The following ADGRL2 variants were observed in gnomAD, a reference collection of about 807,000 sequenced individuals.
ADGRL2 encodes calcium-independent alpha-latrotoxin receptor 2.
In ADGRL2, 44 loss-of-function variants were observed where a neutral mutation model predicts 157.4. The observed-to-expected ratio is 0.28, with a 90% confidence interval of 0.22 to 0.36. The LOEUF is 0.36. Ranked by LOEUF, ADGRL2 falls within the 10% of genes least tolerant of loss-of-function variation. The pLI is 1.00. For missense variants in ADGRL2, 1,510 were observed against 1,768.9 expected (o/e 0.85, Z 2.63); for synonymous variants, 585 against 624.7 (o/e 0.94, Z 0.95).
At chr1:81,744,055 A>G (rs1343454687) in intron 1 of ADGRL2, among the ~76,000 whole-genome samples, 1 of 152,190 alleles carries the variant, frequency 6.6e-6, no homozygotes. Context: ...AGCTAAAGAT[A>G]TACCTAGGGA....
chr1:81,841,991 A>G (rs1389855899), intron 2 of ADGRL2, among the ~76,000 whole-genome samples: 1 of 152,132 alleles, frequency 6.6e-6, no homozygotes, highest in Non-Finnish European at 1.5e-5. Context: ...GGAAGTGATG[A>G]TACGGCAGAA....
chr1:81,918,159 A>G (rs965735157), intron 3 of ADGRL2, among the ~76,000 whole-genome samples: 11 of 152,186 alleles, frequency 7.2e-5, no homozygotes, highest in Admixed American at 3.3e-4. Flanking sequence ...AGACACTTGT[A>G]TACAGTTTTG....
intron 1 of ADGRL2, among the ~76,000 whole-genome samples, chr1:81,745,224 T>G (rs1466792991): frequency 1.3e-5 from 2 of 152,208 alleles, no homozygotes; most frequent in Non-Finnish European, 2.9e-5. Flanking sequence ...TAGTTTAACT[T>G]TTTTATAGCA....
At chr1:81,923,889 T>C (rs2095045119) in intron 3 of ADGRL2, among the ~76,000 whole-genome samples, 1 of 152,074 alleles carries the variant, frequency 6.6e-6, no homozygotes, top group South Asian at 2.1e-4. Flanking sequence ...TGGGAAATAA[T>C]ATAAACAAGG....
chr1:81,325,922 A>G (rs1660866549), intron 1 of ADGRL2, among the ~76,000 whole-genome samples: 1 of 150,600 alleles, frequency 6.6e-6, no homozygotes, highest in Middle Eastern at 3.2e-3. Context: ...CCAGAGACCC[A>G]GAGGATCTCA....
At chr1:81,737,471 A>G (rs2084940867) in intron 1 of ADGRL2, among the ~76,000 whole-genome samples, 1 of 152,108 alleles carries the variant, frequency 6.6e-6, no homozygotes, top group Non-Finnish European at 1.5e-5. Context: ...TGCCCCCATG[A>G]TCCAGTCACC....
At chr1:81,393,563 A>G (rs549609462) in intron 1 of ADGRL2, among the ~76,000 whole-genome samples, 1 of 152,268 alleles carries the variant, frequency 6.6e-6, no homozygotes, top group South Asian at 2.1e-4. Context: ...CTTTTTAATT[A>G]CTTAAGCATT....
intron 1 of ADGRL2, among the ~76,000 whole-genome samples, chr1:81,807,424 C>T (rs890052448): frequency 6.6e-6 from 1 of 152,086 alleles, no homozygotes; most frequent in Admixed American, 6.5e-5. Flanking sequence ...AGTATTTAAT[C>T]ACTCAGATTA....
At chr1:81,358,461 A>C (rs2075909366) in intron 1 of ADGRL2, among the ~76,000 whole-genome samples, 1 of 152,158 alleles carries the variant, frequency 6.6e-6, no homozygotes, top group African/African-American at 2.4e-5. Flanking sequence ...TGCTGTATTA[A>C]ATTCAGTCTG....
chr1:81,974,969 C>T (rs1167074886), intron 17 of ADGRL2, among the ~76,000 whole-genome samples: 1 of 151,520 alleles, frequency 6.6e-6, no homozygotes, highest in Non-Finnish European at 1.5e-5. Context: ...AAAAAATGTC[C>T]CAGTTTGATG....
intron 3 of ADGRL2, among the ~76,000 whole-genome samples, chr1:81,599,031 A>C (rs1043834847): frequency 6.6e-6 from 1 of 152,206 alleles, no homozygotes; most frequent in Non-Finnish European, 1.5e-5. Flanking sequence ...CAATGATTCT[A>C]TCTAATCAGC....
chr1:81,819,850 A>C (rs553719728), intron 1 of ADGRL2, among the ~76,000 whole-genome samples: 1 of 152,252 alleles, frequency 6.6e-6, no homozygotes, highest in Admixed American at 6.6e-5. Flanking sequence ...TGGTTTCCTT[A>C]GATACCAGCC....
intron 2 of ADGRL2, among the ~76,000 whole-genome samples, chr1:81,560,951 C>A (rs1399746280): frequency 1.3e-5 from 2 of 152,172 alleles, no homozygotes; most frequent in Non-Finnish European, 2.9e-5. Flanking sequence ...CAGACACAAT[C>A]CCGCCTTAGA....
intron 2 of ADGRL2, among the ~76,000 whole-genome samples, chr1:81,462,880 C>T (rs898698523): frequency 7.9e-5 from 12 of 151,780 alleles, no homozygotes; most frequent in Admixed American, 2.0e-4. Flanking sequence ...TTTGGGAGGC[C>T]GAGGCGGGTG....
At chr1:81,967,048 A>C (rs1015679464) in intron 13 of ADGRL2, among the ~76,000 whole-genome samples, 2 of 152,168 alleles carry the variant, frequency 1.3e-5, no homozygotes, top group African/African-American at 4.8e-5. Context: ...TGTTTAAAAA[A>C]ACAGTTGAGG....
intron 2 of ADGRL2, among the ~76,000 whole-genome samples, chr1:81,773,044 C>A (rs539477220): frequency 6.6e-6 from 1 of 152,228 alleles, no homozygotes; most frequent in African/African-American, 2.4e-5. Context: ...TGATCCCAAG[C>A]CCCTGATGGT....
intron 3 of ADGRL2, among the ~76,000 whole-genome samples, chr1:81,659,848 T>C (rs2082616562): frequency 6.6e-6 from 1 of 152,234 alleles, no homozygotes; most frequent in Admixed American, 6.5e-5. Context: ...TTTTTGGCAT[T>C]AAGTAGTGAG....
At chr1:81,721,933 T>C in intron 1 of ADGRL2, 1 of 668,876 alleles carries the variant, frequency 1.5e-6, no homozygotes, top group South Asian at 1.4e-5. Flanking sequence ...GAAAGTGATC[T>C]AGAAGTTGAT....
intron 1 of ADGRL2, among the ~76,000 whole-genome samples, chr1:81,830,324 G>A (rs1337485352): frequency 1.3e-5 from 2 of 152,068 alleles, no homozygotes; most frequent in African/African-American, 2.4e-5. Context: ...ATACATGAAA[G>A]TATAGTGCTA....
Sources: allele counts gnomAD v4.1 joint callset (sites outside exome capture counted in the v4.1 genomes callset), GRCh38; gene constraint gnomAD v4.1.1; transcripts MANE v1.5; gene names NCBI Gene and HGNC (gene_info 2026-07-23, HGNC 2026-07-21).